The following PPP4R4 variants were observed in gnomAD, a reference collection of about 807,000 sequenced individuals.
PPP4R4 encodes protein phosphatase 4 regulatory subunit 4, also known as serine/threonine-protein phosphatase 4 regulatory subunit 4.
PPP4R4 carries 70 observed loss-of-function variants against 121.8 expected under a neutral mutation model. The ratio of observed to expected loss-of-function variants is 0.57; its 90% CI spans 0.47 to 0.70. The LOEUF (loss-of-function observed/expected upper bound fraction) is 0.70. Among genes scored for constraint, PPP4R4 ranks in the 30% least tolerant of loss-of-function variants. PPP4R4 has a pLI of 0.00. For missense variants in PPP4R4, 875 were observed against 1,033.6 expected, an observed-to-expected ratio of 0.85 and a Z score of 2.10; for synonymous variants, 348 against 355.7, an observed-to-expected ratio of 0.98 and a Z score of 0.24.
In PPP4R4 at chr14:94,265,387, G is replaced by T; in HGVS notation, c.2198G>T (p.Arg733Leu). 6.2e-7 allele frequency: 1 copy of T among 1,603,676 alleles called. No homozygotes were observed. The change falls in exon 21 of 25, where the codon CGT (arginine) becomes CTT (leucine). Residue 733 changes from arginine to leucine, a missense_variant and splice_region_variant. By Grantham distance (102) the Arg-to-Leu change is moderately radical. Transcript: ENST00000304338. ...PMSDKMFEKK[R>L]RDTKTPTQSL... ...CAACTTAAAGCAGAATTTATTTTAG[G>T]TAGAGACACTAAGACACCAACGCAA...
Position 94,221,041 on chromosome 14 carries a change from A to G in PPP4R4, c.295-9546A>G, listed in dbSNP as rs367700597. Among the ~76,000 whole-genome samples the G allele has an allele frequency of 1.0e-3, 152 of 152,300 alleles. 2 individuals are homozygous for G. Among genetic ancestry groups the G allele is most frequent in the African/African-American group, 3.5e-3 (146 of 41,584 alleles). On this transcript the variant is annotated intron_variant, in intron 3 of 24. Coordinates refer to ENST00000304338, the MANE Select transcript of PPP4R4 (RefSeq NM_058237.2). ...CTGTATGATTGGTGTAAAGACAGAT[A>G]AAGTAATCAATGAGACATAGAGAAA...
chr14:94,249,299 A>G (rs1249198157), intron 14 of PPP4R4, among the ~76,000 whole-genome samples: 1 of 151,932 alleles, frequency 6.6e-6, no homozygotes, highest in Non-Finnish European at 1.5e-5. Context: ...CTCTTTTTAC[A>G]TTCAACAGAT....
At chr14:94,227,662 T>G in intron 3 of PPP4R4, 1 of 1,101,348 alleles carries the variant, frequency 9.1e-7, no homozygotes, top group African/African-American at 1.6e-5. Flanking sequence ...TGTTCTTCCT[T>G]TGTATAAAGT....
chr14:94,175,763 A>G, intron 1 of PPP4R4: 1 of 441,888 alleles, frequency 2.3e-6, no homozygotes, highest in Non-Finnish European at 4.1e-6. Context: ...TATGAAATGG[A>G]TTTCAGCCAA....
At chr14:94,216,256 A>G (rs1368349325) in intron 3 of PPP4R4, among the ~76,000 whole-genome samples, 1 of 152,214 alleles carries the variant, frequency 6.6e-6, no homozygotes, top group Non-Finnish European at 1.5e-5. Flanking sequence ...CACAGTCATA[A>G]CTTCTTGAGC....
At chr14:94,196,842 A>G (rs1889902535) in intron 2 of PPP4R4, among the ~76,000 whole-genome samples, 1 of 152,120 alleles carries the variant, frequency 6.6e-6, no homozygotes, top group Non-Finnish European at 1.5e-5. Flanking sequence ...GAGAAATAGT[A>G]GGTTATAGTT....
At chr14:94,254,560 A>G (rs1893363762) in intron 16 of PPP4R4, among the ~76,000 whole-genome samples, 1 of 152,202 alleles carries the variant, frequency 6.6e-6, no homozygotes, top group Non-Finnish European at 1.5e-5. Context: ...ATCAAAAGCA[A>G]ATTTTGTTGT....
At position 94,251,783 on chromosome 14, in the gene PPP4R4, T is replaced by C. The variant is rs747659913; in HGVS notation, c.1752T>C (p.Leu584=). The change falls in exon 16 of 25, where the codon CTT becomes CTC. Residue 584 remains leucine, a synonymous_variant. Coordinates refer to ENST00000304338, the MANE Select transcript of PPP4R4 (RefSeq NM_058237.2). ...AAGGAAAAAGTTACTGGAATAGACT[T>C]CGATTTTTGGATACCTGTGAATTTA... is the stretch of plus-strand genomic sequence containing the variant. ...LGQGKSYWNR[L]RFLDTCEFII... The C allele has an allele frequency of 5.7e-6, 9 of 1,580,426 alleles. No individual in the cohort carries two copies. The East Asian group carries it at 2.0e-4, about 36-fold the overall frequency.
At chr14:94,271,226 A>C (rs1460831653) in intron 23 of PPP4R4, among the ~76,000 whole-genome samples, 1 of 152,212 alleles carries the variant, frequency 6.6e-6, no homozygotes, top group Non-Finnish European at 1.5e-5. Context: ...AGAATAATAC[A>C]TACCAACATC....
intron 17 of PPP4R4, among the ~76,000 whole-genome samples, chr14:94,257,386 G>A (rs981210688): frequency 1.3e-5 from 2 of 151,876 alleles, no homozygotes; most frequent in African/African-American, 2.4e-5. Flanking sequence ...TTGTTTTTGA[G>A]CATTTATTTA....
intron 2 of PPP4R4, among the ~76,000 whole-genome samples, chr14:94,195,766 C>T (rs1889839206): frequency 6.6e-6 from 1 of 152,104 alleles, no homozygotes; most frequent in South Asian, 2.1e-4. Flanking sequence ...AGTTTCTTTT[C>T]CTTCAAACTC....
chr14:94,251,702 T>C (rs748922526), intron 15 of PPP4R4, 47 bp from the exon 16 acceptor site: 19 of 1,418,816 alleles, frequency 1.3e-5, no homozygotes, highest in Middle Eastern at 2.6e-4. Context: ...CACTTTAATT[T>C]CATATAGGAA....
Position 94,240,790 on chromosome 14 carries a change from T to C in PPP4R4, c.971T>C (p.Leu324Pro), listed in dbSNP as rs535316481. ...CATTTAGGAAAACTATGTCATGGAC[T>C]ATATGGTATGATATATCCTAAGAAT... Reference protein sequence around the residue: ...SFHLGKLCHGLYGIFTPDQHL... With the variant: ...SFHLGKLCHGPYGIFTPDQHL... The change falls in exon 9 of 25, where the codon CTA (leucine) becomes CCA (proline). Residue 324 changes from leucine (L) to proline (P), a missense_variant. By Grantham distance (98) the Leu-to-Pro change is moderately conservative. Coordinates refer to ENST00000304338, the MANE Select transcript of PPP4R4 (RefSeq NM_058237.2). 1 of 1,580,718 alleles carries C rather than the reference T, an allele frequency of 6.3e-7. No individual in the cohort carries two copies. The highest frequency in any genetic ancestry group is 2.3e-5 in the East Asian group (1 of 43,054).
intron 3 of PPP4R4, among the ~76,000 whole-genome samples, chr14:94,214,407 A>G (rs1253282052): frequency 6.6e-6 from 1 of 152,096 alleles, no homozygotes; most frequent in Non-Finnish European, 1.5e-5. Flanking sequence ...CCATAGTCTC[A>G]GCTGCTCAGG....
chr14:94,251,621 A>G, intron 15 of PPP4R4, 128 bp from the exon 16 acceptor site: 2 of 646,360 alleles, frequency 3.1e-6, no homozygotes, highest in Non-Finnish European at 5.0e-6. Flanking sequence ...TTTTCCTCTT[A>G]TGTCTTGTAT....
In PPP4R4 at chr14:94,230,703, C is replaced by T. The variant is rs1891975118; in HGVS notation, c.411C>T (p.Val137=). ...CATATACCCACTCATTCCTCCAAGT[C>T]ATTCTCCTGCATCTGGAGCACAGGG... ...IHAYTHSFLQ[V]ILLHLEHRDT... Residue 137 remains valine (V), a synonymous_variant, in exon 4 of 25, where the codon GTC becomes GTT. Coordinates refer to ENST00000304338, the MANE Select transcript of PPP4R4 (RefSeq NM_058237.2). The T allele has an allele frequency of 3.1e-6, 5 of 1,613,550 alleles. No homozygotes were observed. The highest frequency in any genetic ancestry group is 1.3e-5 in the African/African-American group (1 of 75,044).
chr14:94,267,246 A>T (rs980321049), intron 23 of PPP4R4, among the ~76,000 whole-genome samples: 2 of 152,170 alleles, frequency 1.3e-5, no homozygotes, highest in African/African-American at 2.4e-5. Flanking sequence ...TAGTACTTTT[A>T]AAATAGAAAA....
intron 6 of PPP4R4, 132 bp downstream of exon 6, chr14:94,233,891 G>T: frequency 1.6e-6 from 1 of 633,318 alleles, no homozygotes; most frequent in South Asian, 2.2e-5. Context: ...TTAACTTTAT[G>T]GAATTCTCAT....
chr14:94,249,049 A>G (rs1893043498), intron 14 of PPP4R4, among the ~76,000 whole-genome samples: 1 of 152,034 alleles, frequency 6.6e-6, no homozygotes, highest in South Asian at 2.1e-4. Flanking sequence ...TTCTGGCCCA[A>G]AAGAATACCT....
Sources: allele counts gnomAD v4.1 joint callset (sites outside exome capture counted in the v4.1 genomes callset), GRCh38; gene constraint gnomAD v4.1.1; transcripts MANE v1.5; gene names NCBI Gene and HGNC (gene_info 2026-07-23, HGNC 2026-07-21).